SHISAL2A: variants seen among roughly 807,000 people sequenced by gnomAD.
SHISAL2A encodes protein shisa-like-2A.
SHISAL2A carries 18 observed loss-of-function variants against 11.5 expected under a neutral mutation model. The ratio of observed to expected loss-of-function variants is 1.57; its 90% CI spans 1.08 to 2.33. SHISAL2A has a LOEUF of 2.33. SHISAL2A is among the 30% of genes most tolerant of loss of function. The pLI, the probability that SHISAL2A is intolerant of heterozygous loss-of-function variation, is 0.00. For missense variants in SHISAL2A, 261 were observed against 250.9 expected (o/e 1.04, Z -0.27); for synonymous variants, 94 against 99.6 (o/e 0.94, Z 0.34).
rs756304160 is a variant in SHISAL2A at position 52,633,533 on chromosome 1, G to C, written c.40G>C (p.Glu14Gln). 1 of 1,603,180 alleles carries C rather than the reference G, an allele frequency of 6.2e-7. No individual in the cohort carries two copies. The highest frequency in any genetic ancestry group is 8.5e-7 in the Non-Finnish European group (1 of 1,175,860). ...CACGAGCTACGTGAGCGCAGAGCAG[G>C]AGGTGGTGCGCGGCTTCAGCTGCCC... is the stretch of plus-strand genomic sequence containing the variant. ...ACTSYVSAEQ[E>Q]VVRGFSCPRP... is the part of the protein sequence containing the mutation. The change falls in exon 1 of 3, where the codon GAG becomes CAG. Residue 14 changes from glutamate to glutamine, a missense_variant. By Grantham distance (29) the Glu-to-Gln change is conservative. Coordinates refer to ENST00000517870, the MANE Select transcript of SHISAL2A (RefSeq NM_001042693.3). This position sits in a 1 kb window ranked among gnomAD's most constrained non-coding sequence, Gnocchi z 6.4.
downstream of SHISAL2A, chr1:52,659,648 G>A (rs907509226): frequency 1.3e-5 from 2 of 152,544 alleles, no homozygotes; most frequent in African/African-American, 4.8e-5. Context: ...GCGAGCCAGT[G>A]TGGCCCAGGA....
exon 5 of SHISAL2A, chr1:52,667,536 T>C (rs1351390958): frequency 3.2e-6 from 1 of 312,750 alleles, no homozygotes. Context: ...ATCGTCATCA[T>C]TATGTTGCTT....
chr1:52,639,435 A>T (rs992876458), intron 1 of SHISAL2A, among the ~76,000 whole-genome samples: 1 of 152,158 alleles, frequency 6.6e-6, no homozygotes, highest in East Asian at 1.9e-4. Context: ...CAATAAGTTC[A>T]TAAAGATTTA....
At chr1:52,663,414 G>A (rs1457862509) in intron 4 of SHISAL2A, among the ~76,000 whole-genome samples, 2 of 152,156 alleles carry the variant, frequency 1.3e-5, no homozygotes, top group African/African-American at 4.8e-5. Flanking sequence ...GCTTATGTTT[G>A]CTTTTTTTCT....
chr1:52,654,631 C>A (rs12065233), intron 2 of SHISAL2A, among the ~76,000 whole-genome samples: 4,343 of 152,174 alleles, frequency 0.029, 242 homozygotes, highest in African/African-American at 0.099. Context: ...GATCTCACAC[C>A]TTGTACAAAA....
At chr1:52,655,352 C>T (rs1691766886) in intron 2 of SHISAL2A, among the ~76,000 whole-genome samples, 2 of 149,490 alleles carry the variant, frequency 1.3e-5, no homozygotes, top group South Asian at 4.2e-4. Flanking sequence ...CATGGTGGCT[C>T]AGGCCTGTAA....
chr1:52,645,242 G>A (rs1157283520), intron 2 of SHISAL2A, among the ~76,000 whole-genome samples: 1 of 152,152 alleles, frequency 6.6e-6, no homozygotes, highest in Admixed American at 6.5e-5. Context: ...CTGTGACTGA[G>A]CAGCAAAAAG....
At chr1:52,648,979 T>C (rs960968429) in intron 2 of SHISAL2A, among the ~76,000 whole-genome samples, 6 of 152,174 alleles carry the variant, frequency 3.9e-5, no homozygotes, top group Admixed American at 1.3e-4. Context: ...AGACAGCATG[T>C]CCTCTTGATT....
chr1:52,649,598 A>T (rs1430012059), intron 2 of SHISAL2A, among the ~76,000 whole-genome samples: 4 of 152,154 alleles, frequency 2.6e-5, no homozygotes, highest in African/African-American at 9.7e-5. Context: ...GAAGACCATA[A>T]CTTTCTTATT....
At chr1:52,658,086 C>G (rs2149892492), downstream of SHISAL2A, among the ~76,000 whole-genome samples, 1 of 151,716 alleles carries the variant, frequency 6.6e-6, no homozygotes, top group African/African-American at 2.4e-5. Flanking sequence ...GTCACTTAGG[C>G]TAGAGTGCAA....
chr1:52,650,820 T>C (rs11810461), intron 2 of SHISAL2A, among the ~76,000 whole-genome samples: 305 of 151,884 alleles, frequency 2.0e-3, no homozygotes, highest in African/African-American at 7.1e-3. Context: ...AATTTTTGTA[T>C]TTTTAATAGA....
downstream of SHISAL2A, among the ~76,000 whole-genome samples, chr1:52,658,308 G>C (rs371097932): frequency 6.6e-6 from 1 of 152,292 alleles, no homozygotes. Flanking sequence ...CCAAAGTGCT[G>C]GGATTACAGA....
chr1:52,661,430 C>A (rs936618891), downstream of SHISAL2A, among the ~76,000 whole-genome samples: 2 of 152,176 alleles, frequency 1.3e-5, no homozygotes, highest in African/African-American at 4.8e-5. Flanking sequence ...AGGGGGAGGC[C>A]ATTCTACTGC....
At chr1:52,645,110 C>T (rs954635877) in intron 2 of SHISAL2A, among the ~76,000 whole-genome samples, 6 of 151,740 alleles carry the variant, frequency 4.0e-5, no homozygotes, top group African/African-American at 1.5e-4. Context: ...AGCTAAGTCT[C>T]AGAGAAAGAG....
chr1:52,643,133 A>G (rs1256437316), intron 2 of SHISAL2A, 131 bp downstream of exon 2: 3 of 832,900 alleles, frequency 3.6e-6, no homozygotes, highest in Non-Finnish European at 5.7e-6. Context: ...GCAGCGGCAC[A>G]TTTTTCTGGA....
chr1:52,662,285 G>T (rs373056026), intron 4 of SHISAL2A, among the ~76,000 whole-genome samples: 4 of 151,882 alleles, frequency 2.6e-5, no homozygotes, highest in African/African-American at 9.7e-5. Flanking sequence ...ATACTTGAAG[G>T]GTCTCATCCA....
chr1:52,635,027 G>C (rs1252192507), intron 1 of SHISAL2A, among the ~76,000 whole-genome samples: 1 of 152,114 alleles, frequency 6.6e-6, no homozygotes, highest in Admixed American at 6.6e-5. Flanking sequence ...CTACATATTT[G>C]TGCTATCTAT....
At chr1:52,643,416 T>C (rs6682585) in intron 2 of SHISAL2A, among the ~76,000 whole-genome samples, 11,968 of 152,282 alleles carry the variant, frequency 0.079, 592 homozygotes, top group Non-Finnish European at 0.11. Context: ...ATGCGTTTTT[T>C]TAAATAATCT....
At chr1:52,668,487 C>T (rs916451836) in intron 5 of SHISAL2A, 6 of 152,208 alleles carry the variant, frequency 3.9e-5, no homozygotes, top group African/African-American at 1.4e-4. Context: ...TCTCCCACAG[C>T]TTCTCTGTGT....
Sources: gnomAD v4.1 joint callset for allele counts (sites outside exome capture counted in the v4.1 genomes callset) on GRCh38, gnomAD v4.1.1 for gene constraint, Gnocchi (gnomAD v3.1) non-coding constraint, MANE v1.5 for transcripts, NCBI Gene and HGNC (gene_info 2026-07-23, HGNC 2026-07-21) for gene names.